Variants in VWA5B1 observed in about 807,000 individuals in gnomAD.
VWA5B1 encodes von Willebrand factor A domain-containing protein 5B1.
In VWA5B1, 115 loss-of-function variants were observed where a neutral mutation model predicts 118.2. The ratio of observed to expected loss-of-function variants is 0.97; its 90% CI spans 0.84 to 1.14. VWA5B1 has a LOEUF of 1.14. Ranked by LOEUF, VWA5B1 falls within the 50% of genes most tolerant of loss-of-function variation. The pLI is 0.00. For missense variants in VWA5B1, 1,596 were observed against 1,603.8 expected (o/e 1.00, Z 0.08); for synonymous variants, 682 against 658.4 (o/e 1.04, Z -0.55).
chr1:20,332,853 G>A lies in VWA5B1; in HGVS notation c.1660G>A (p.Val554Ile). 6.4e-7 allele frequency: 1 copy of A among 1,551,828 alleles called. No individual in the cohort carries two copies. The highest frequency in any genetic ancestry group is 8.7e-7 in the Non-Finnish European group (1 of 1,147,046). ...WIFPETTEVL[V>I]SPVSASSLFP... Reference sequence around the variant, plus strand: ...CTTCCCTGAGACCACTGAGGTCCTGGTCTCACCCGTCAGCGCCAGCTCCCT... The same window carrying A: ...CTTCCCTGAGACCACTGAGGTCCTGATCTCACCCGTCAGCGCCAGCTCCCT... Residue 554 changes from valine to isoleucine, a missense_variant, in exon 12 of 22, where the codon GTC (valine) becomes ATC (isoleucine). Physicochemically the swap from Val to Ile is conservative, Grantham distance 29 (BLOSUM62 3). Coordinates refer to ENST00000289815, the MANE Select transcript of VWA5B1 (RefSeq NM_001039500.3).
rs771695786 is a variant in VWA5B1 at position 20,317,529 on chromosome 1, G to T, written c.564-1G>T. 2 of 1,551,350 alleles carry T rather than the reference G, an allele frequency of 1.3e-6. No homozygotes were observed. The highest frequency in any genetic ancestry group is 2.4e-5 in the South Asian group (2 of 84,008). On this transcript the variant is annotated splice_acceptor_variant, in intron 4 of 21. Transcript: ENST00000289815. LOFTEE classifies it high-confidence loss of function. ...CTTTCCTTCCCCCGGCCCTTTTCCA[G>T]CAAAGACAGGCACTGCTTCGGTGCC...
chr1:20,329,272 TC>T, intron 9 of VWA5B1, among the ~76,000 whole-genome samples: 2 of 150,500 alleles, frequency 1.3e-5, no homozygotes, highest in Non-Finnish European at 1.5e-5. Flanking sequence ...CTTTTTTTTT[TC>T]TTTTTTCTTT....
In VWA5B1 at chr1:20,319,398, T is replaced by A. The variant is rs1202217710; in HGVS notation, c.858T>A (p.His286Gln). Reference sequence around the variant, plus strand: ...TCTCTGCAGAGCCCCATATGCCCCATGTCCTGATAGAGAAAGGGGACATGA... The same window carrying A: ...TCTCTGCAGAGCCCCATATGCCCCAAGTCCTGATAGAGAAAGGGGACATGA... ...LIHPSEPHMP[H>Q]VLIEKGDMTL... Residue 286 changes from histidine to glutamine, a missense_variant, in exon 7 of 22, where the codon CAT (histidine) becomes CAA (glutamine). Coordinates refer to ENST00000289815, the MANE Select transcript of VWA5B1 (RefSeq NM_001039500.3). 3 of 1,551,736 alleles carry A rather than the reference T, an allele frequency of 1.9e-6. No individual in the cohort carries two copies. Among genetic ancestry groups the A allele is most frequent in the Non-Finnish European group, 2.6e-6 (3 of 1,146,986 alleles).
intron 1 of VWA5B1, among the ~76,000 whole-genome samples, chr1:20,301,178 G>A (rs563703466): frequency 5.9e-5 from 9 of 152,358 alleles, no homozygotes; most frequent in Middle Eastern, 3.4e-3. Context: ...GGCTGTAGGT[G>A]GCCAGAGCCC....
At position 20,331,130 on chromosome 1, in the gene VWA5B1, G is replaced by A. The variant is rs773995023; in HGVS notation, c.1572+147G>A. On this transcript the variant is annotated intron_variant, in intron 11 of 21. Coordinates refer to ENST00000289815, the MANE Select transcript of VWA5B1 (RefSeq NM_001039500.3). Reference sequence around the variant, plus strand: ...ACACTGCATCCCAATGAGAACCAGAGACTTGCAAGCCACAGAGCAGGCAAC... The same window carrying A: ...ACACTGCATCCCAATGAGAACCAGAAACTTGCAAGCCACAGAGCAGGCAAC... The A allele has an allele frequency of 4.7e-5, 32 of 688,074 alleles. 1 individual carries two copies. Among genetic ancestry groups the A allele is most frequent in the Non-Finnish European group, 7.5e-5 (31 of 414,570 alleles). The allele number at this position is 688,074 out of a possible 1,614,324, so 42.6% of individuals were successfully genotyped here. A position where few individuals can be genotyped will look rare whatever the true frequency, so the allele number is the denominator to read the frequency against.
At chr1:20,346,350 T>C (rs1283143465) in intron 17 of VWA5B1, among the ~76,000 whole-genome samples, 1 of 152,266 alleles carries the variant, frequency 6.6e-6, no homozygotes, top group Non-Finnish European at 1.5e-5. Flanking sequence ...TTACATTTAT[T>C]GCCCTGGCTC....
rs199681702 is a variant in VWA5B1, at chr1:20,332,826, A to G, written c.1633A>G (p.Ile545Val). 3.1e-3 allele frequency: 4,748 copies of G among 1,551,766 alleles called. 15 individuals carry two copies. Among genetic ancestry groups the G allele is most frequent in the Non-Finnish European group, 3.7e-3 (4,291 of 1,147,020 alleles). The change falls in exon 12 of 22, where the codon ATC becomes GTC. Residue 545 changes from isoleucine to valine, a missense_variant. Ile to Val is a conservative substitution (Grantham distance 29). Transcript: ENST00000289815. ...CCTGAGCGATGTGACTGTGGAGTGG[A>G]TCTTCCCTGAGACCACTGAGGTCCT... is the stretch of plus-strand genomic sequence containing the variant. ...PVLSDVTVEWIFPETTEVLVS... is the reference protein window; with the variant it reads ...PVLSDVTVEWVFPETTEVLVS...
rs757416848 is a variant in VWA5B1 at position 20,322,747 on chromosome 1, C to T, written c.967-609C>T. Among the ~76,000 whole-genome samples, 4 of 152,310 alleles carry T rather than the reference C, an allele frequency of 2.6e-5. No individual in the cohort carries two copies. In the South Asian group the frequency reaches 6.2e-4, roughly 24 times the overall value. On this transcript the variant is annotated intron_variant, in intron 7 of 21. Transcript: ENST00000289815. ...CCAGGCAGCCAGCTTCACAGGTGCA[C>T]TGAACCCATGCAACGACTCAGTGAG...
chr1:20,327,323 G>A (rs2089415840), intron 8 of VWA5B1, among the ~76,000 whole-genome samples: 1 of 152,152 alleles, frequency 6.6e-6, no homozygotes, highest in Non-Finnish European at 1.5e-5. Context: ...GTGAAGTGAT[G>A]CATGTAAAGT....
At position 20,343,388 on chromosome 1, in the gene VWA5B1, A is replaced by G. The variant is rs755169955; in HGVS notation, c.2621A>G (p.Glu874Gly). 1.3e-6 allele frequency: 2 copies of G among 1,523,842 alleles called. No homozygotes were observed. Among genetic ancestry groups the G allele is most frequent in the South Asian group, 2.5e-5 (2 of 81,326 alleles). 94.4% of individuals were successfully genotyped at this position (1,523,842 alleles called of 1,614,324 possible). ...CTGGCGGAGCGCGAGGGCGAGATCG[A>G]GCAGGGTGAGCGCCACGGAACTGCG... ...EQLAEREGEI[E>G]QGSNRRYQVS... The change falls in exon 16 of 22, where the codon GAG becomes GGG. Residue 874 changes from glutamate (E) to glycine (G), a missense_variant. Transcript: ENST00000289815.
chr1:20,327,296 G>A (rs781614272), intron 8 of VWA5B1, among the ~76,000 whole-genome samples: 3 of 152,142 alleles, frequency 2.0e-5, no homozygotes, highest in Admixed American at 1.3e-4. Flanking sequence ...TGCCTCGAAG[G>A]GTTATGGTGA....
At chr1:20,308,636 C>T (rs1055283978) in intron 1 of VWA5B1, among the ~76,000 whole-genome samples, 1 of 152,178 alleles carries the variant, frequency 6.6e-6, no homozygotes, top group Admixed American at 6.5e-5. Flanking sequence ...TGAGAGAAGG[C>T]TACTTGGGGA....
Position 20,350,203 on chromosome 1 carries a change from G to A in VWA5B1, c.2926G>A (p.Gly976Ser), listed in dbSNP as rs778244356. ...TALFSEARSP[G>S]REKHGASEGP... ...TCTCTTCAGCGAGGCCAGGTCCCCC[G>A]GCCGCGAGAAGCACGGTGCTTCTGA... Residue 976 changes from glycine (G) to serine (S), a missense_variant, in exon 19 of 22, where the codon GGC becomes AGC. Gly to Ser is a moderately conservative substitution (Grantham distance 56). Coordinates refer to ENST00000289815, the MANE Select transcript of VWA5B1 (RefSeq NM_001039500.3). The A allele has an allele frequency of 2.3e-5, 35 of 1,551,050 alleles. No homozygotes were observed. The highest frequency in any genetic ancestry group is 9.8e-5 in the East Asian group (4 of 40,940).
intron 1 of VWA5B1, among the ~76,000 whole-genome samples, chr1:20,308,419 G>T (rs1269904028): frequency 6.6e-6 from 1 of 152,192 alleles, no homozygotes; most frequent in Non-Finnish European, 1.5e-5. Flanking sequence ...CTGGGTGCTG[G>T]CTCCCTAAGG....
chr1:20,334,959 A>C (rs1173603872), intron 12 of VWA5B1, among the ~76,000 whole-genome samples: 1 of 152,234 alleles, frequency 6.6e-6, no homozygotes, highest in African/African-American at 2.4e-5. Context: ...AAATGGCCAC[A>C]AACTGAATGC....
At chr1:20,298,326 G>T (rs1365594847) in intron 1 of VWA5B1, among the ~76,000 whole-genome samples, 1 of 151,852 alleles carries the variant, frequency 6.6e-6, no homozygotes, top group African/African-American at 2.4e-5. Context: ...AATCTGAAAG[G>T]GTAAGCTGGT....
At chr1:20,335,131 A>G (rs946464498) in intron 12 of VWA5B1, among the ~76,000 whole-genome samples, 2 of 152,192 alleles carry the variant, frequency 1.3e-5, no homozygotes, top group South Asian at 4.1e-4. Context: ...CAACCTAGTG[A>G]GACCACTTCT....
intron 1 of VWA5B1, among the ~76,000 whole-genome samples, chr1:20,299,537 G>A (rs2088467969): frequency 6.6e-6 from 1 of 152,180 alleles, no homozygotes; most frequent in African/African-American, 2.4e-5. Flanking sequence ...CCAAGTAGCT[G>A]GGACTACAGG....
At chr1:20,319,304 T>C in intron 6 of VWA5B1, 78 bp from the exon 7 acceptor site, 1 of 1,524,328 alleles carries the variant, frequency 6.6e-7, no homozygotes, top group South Asian at 1.2e-5. Flanking sequence ...GTGAGAATCT[T>C]GCACCTAAAC....
Sources: gnomAD v4.1 joint callset for allele counts (sites outside exome capture counted in the v4.1 genomes callset) on GRCh38, gnomAD v4.1.1 for gene constraint, MANE v1.5 for transcripts, NCBI Gene and HGNC (gene_info 2026-07-23, HGNC 2026-07-21) for gene names.